FRMD4A: variants seen among roughly 807,000 people sequenced by gnomAD.
FRMD4A encodes FERM domain containing 4A.
In FRMD4A, 29 loss-of-function variants were observed where a neutral mutation model predicts 129.1. That is an observed-to-expected ratio of 0.22 (90% CI 0.17 to 0.31). The LOEUF (loss-of-function observed/expected upper bound fraction) is 0.31. FRMD4A is among the 10% of genes least tolerant of loss of function. The probability of loss-of-function intolerance (pLI) is 1.00; values close to 1 mark genes in which losing one functional copy is unlikely to be tolerated. For synonymous variants in FRMD4A, 634 were observed against 571.6 expected, an observed-to-expected ratio of 1.11 and a Z score of -1.56; for missense variants, 1,272 against 1,375.8, an observed-to-expected ratio of 0.92 and a Z score of 1.19.
At position 13,780,379 on chromosome 10, in the gene FRMD4A, C is replaced by T. The variant is rs7913044; in HGVS notation, c.384+2543G>A. 2.5e-3 allele frequency among the ~76,000 whole-genome samples: 381 copies of T among 152,054 alleles called. 1 individual carries two copies. Among genetic ancestry groups the T allele is most frequent in the African/African-American group, 8.6e-3 (356 of 41,472 alleles). On this transcript the variant is annotated intron_variant, in intron 6 of 24. Transcript: ENST00000357447. Reference sequence around the variant, plus strand: ...GCAGTTCCTAACCTCAGTGATATTCCGCAAGTCCATCTTCCCCGGGAGGAG... The same window carrying T: ...GCAGTTCCTAACCTCAGTGATATTCTGCAAGTCCATCTTCCCCGGGAGGAG...
chr10:13,674,602 C>T (rs1048798168), intron 16 of FRMD4A, among the ~76,000 whole-genome samples: 3 of 152,156 alleles, frequency 2.0e-5, no homozygotes, highest in South Asian at 2.1e-4. Context: ...TAAAAAAATT[C>T]GCTAATATTA....
In FRMD4A at chr10:13,660,303, C is replaced by T. The variant is rs756849536; in HGVS notation, c.1898+13G>A. 8 of 1,565,172 alleles carry T rather than the reference C, an allele frequency of 5.1e-6. No homozygotes were observed. Among genetic ancestry groups the T allele is most frequent in the African/African-American group, 1.4e-5 (1 of 73,970 alleles). ...GGGAGGCCTCATTTGGCCTCATTCA[C>T]GATGCAGCTCACCTGGAATGGCTGT... On this transcript the variant is annotated intron_variant, in intron 20 of 24. Coordinates refer to ENST00000357447, the MANE Select transcript of FRMD4A (RefSeq NM_018027.5).
At chr10:14,056,738 C>T (rs943575128) in intron 2 of FRMD4A, among the ~76,000 whole-genome samples, 7 of 152,302 alleles carry the variant, frequency 4.6e-5, no homozygotes, top group African/African-American at 9.6e-5. Context: ...CACCATCTGC[C>T]GCGGCTCTTT....
At chr10:13,796,456 A>G (rs912988550) in intron 5 of FRMD4A, 40 bp downstream of exon 5, 2 of 977,770 alleles carry the variant, frequency 2.0e-6, no homozygotes, top group Non-Finnish European at 3.3e-6. Flanking sequence ...CCTGATAAAG[A>G]ACACAAAGAA....
At chr10:13,971,177 T>C (rs1272738831) in intron 2 of FRMD4A, among the ~76,000 whole-genome samples, 2 of 151,784 alleles carry the variant, frequency 1.3e-5, no homozygotes, top group Non-Finnish European at 2.9e-5. Context: ...CACACATGCA[T>C]GCACACGCAC....
intron 2 of FRMD4A, among the ~76,000 whole-genome samples, chr10:14,183,863 C>T (rs1188677212): frequency 2.6e-5 from 4 of 152,170 alleles, no homozygotes; most frequent in African/African-American, 9.7e-5. Flanking sequence ...ATTTTTCTGA[C>T]TCAGTACCTC....
intron 2 of FRMD4A, among the ~76,000 whole-genome samples, chr10:14,015,800 C>T (rs886117500): frequency 6.6e-6 from 1 of 152,174 alleles, no homozygotes; most frequent in Admixed American, 6.5e-5. Flanking sequence ...ATTACAGGCA[C>T]TATTCTAAAG....
At chr10:13,734,561 G>T (rs2090512465) in intron 12 of FRMD4A, among the ~76,000 whole-genome samples, 1 of 152,038 alleles carries the variant, frequency 6.6e-6, no homozygotes, top group Non-Finnish European at 1.5e-5. Flanking sequence ...TCCCCTGCAT[G>T]CCTCCCCGCC....
At chr10:14,056,607 A>C (rs1176060137) in intron 2 of FRMD4A, among the ~76,000 whole-genome samples, 1 of 152,128 alleles carries the variant, frequency 6.6e-6, no homozygotes, top group Non-Finnish European at 1.5e-5. Context: ...GTATTTCTCC[A>C]GTCGCATCCT....
Position 13,685,210 on chromosome 10 carries a change from G to C in FRMD4A, c.1117+8688C>G, listed in dbSNP as rs141786023. 1.2e-5 allele frequency: 12 copies of C among 983,556 alleles called. No individual in the cohort carries two copies. The Admixed American group carries it at 3.7e-4, about 30-fold the overall frequency. 60.9% of individuals were successfully genotyped at this position (983,556 alleles called of 1,614,324 possible). A position where few individuals can be genotyped will look rare whatever the true frequency, so the allele number is the denominator to read the frequency against. ...GCTTAGAAATTTTAGAAATAAAATA[G>C]TTCATTTCAGAGAGCATTGAAATTG... On this transcript the variant is annotated intron_variant, in intron 15 of 24. Coordinates refer to ENST00000357447, the MANE Select transcript of FRMD4A (RefSeq NM_018027.5).
At chr10:13,650,551 C>T (rs1377655422) in intron 24 of FRMD4A, among the ~76,000 whole-genome samples, 1 of 152,144 alleles carries the variant, frequency 6.6e-6, no homozygotes, top group Non-Finnish European at 1.5e-5. Flanking sequence ...AGATGATCGC[C>T]CTCCCATACC....
intron 2 of FRMD4A, among the ~76,000 whole-genome samples, chr10:14,135,283 G>A (rs568865824): frequency 1.3e-5 from 2 of 152,310 alleles, no homozygotes; most frequent in South Asian, 2.1e-4. Context: ...TTAGGAGTAT[G>A]TGCCTGTAAC....
chr10:14,108,356 G>A (rs1473981891), intron 2 of FRMD4A, among the ~76,000 whole-genome samples: 1 of 152,140 alleles, frequency 6.6e-6, no homozygotes, highest in Admixed American at 6.5e-5. Flanking sequence ...GATCCTTGGG[G>A]GCACTGATCA....
chr10:14,039,483 T>A (rs1347384009), intron 2 of FRMD4A, among the ~76,000 whole-genome samples: 4 of 150,916 alleles, frequency 2.7e-5, no homozygotes, highest in East Asian at 3.9e-4. Flanking sequence ...TCTATCTATC[T>A]ATCTATCTAT....
At chr10:14,113,516 C>T (rs759588946) in intron 2 of FRMD4A, among the ~76,000 whole-genome samples, 3 of 152,114 alleles carry the variant, frequency 2.0e-5, no homozygotes, top group Non-Finnish European at 4.4e-5. Flanking sequence ...ATTGATAAGG[C>T]TTCTGGTGAA....
intron 15 of FRMD4A, chr10:13,684,906 CCAG>C (rs1244688268): frequency 5.1e-6 from 5 of 984,852 alleles, no homozygotes; most frequent in Non-Finnish European, 6.0e-6. Flanking sequence ...CGGTATATTC[CCAG>C]CAGATCAGTA....
At chr10:13,697,817 T>C (rs1303283440) in intron 14 of FRMD4A, among the ~76,000 whole-genome samples, 2 of 152,238 alleles carry the variant, frequency 1.3e-5, no homozygotes, top group African/African-American at 2.4e-5. Context: ...GAGGGAAAAG[T>C]GTCTAATGTC....
chr10:14,303,407 G>A (rs11259004), intron 2 of FRMD4A, among the ~76,000 whole-genome samples: 1,580 of 152,302 alleles, frequency 0.01, 14 homozygotes, highest in African/African-American at 0.024. Context: ...GGCTGTGGGC[G>A]CTAGGGCCTG....
In FRMD4A at chr10:14,171,023, T is replaced by TG. The variant is rs984651329; in HGVS notation, c.45+159034_45+159035insC. On this transcript the variant is annotated intron_variant, in intron 2 of 24. Coordinates refer to ENST00000357447, the MANE Select transcript of FRMD4A (RefSeq NM_018027.5). ...GCTGAATACGAGGGGAGTTTTTTTT[T>TG]TTGTTTATTTGTTTGTTTTTTGCGA... Among the ~76,000 whole-genome samples the TG allele has an allele frequency of 3.7e-3, 51 of 13,778 alleles. 1 individual carries two copies. Among genetic ancestry groups the TG allele is most frequent in the Admixed American group, 7.9e-3 (6 of 764 alleles). 9.0% of individuals were successfully genotyped at this position (13,778 alleles called of 152,430 possible).
Sources: allele counts gnomAD v4.1 joint callset (sites outside exome capture counted in the v4.1 genomes callset), GRCh38; gene constraint gnomAD v4.1.1; transcripts MANE v1.5; gene names NCBI Gene and HGNC (gene_info 2026-07-23, HGNC 2026-07-21).